CSMD1: variants seen among roughly 807,000 people sequenced by gnomAD.
CSMD1 encodes CUB and Sushi multiple domains 1, also known as CUB and sushi domain-containing protein 1.
In CSMD1, 213 loss-of-function variants were observed where a neutral mutation model predicts 417.5. The ratio of observed to expected loss-of-function variants is 0.51; its 90% CI spans 0.46 to 0.57. CSMD1 has a LOEUF of 0.57. Among genes scored for constraint, CSMD1 ranks in the 20% least tolerant of loss-of-function variants. CSMD1 has a pLI of 0.00. For synonymous variants in CSMD1, 2,862 were observed against 1,736.8 expected, an observed-to-expected ratio of 1.65 and a Z score of -16.11; for missense variants, 6,923 against 4,529.7, an observed-to-expected ratio of 1.53 and a Z score of -15.17.
At chr8:4,178,983 G>A (rs533579017) in intron 3 of CSMD1, among the ~76,000 whole-genome samples, 376 of 152,108 alleles carry the variant, frequency 2.5e-3, no homozygotes, top group African/African-American at 8.6e-3. Flanking sequence ...AATCAATATC[G>A]TGAAAATGGC....
chr8:3,299,547 G>C (rs1452924285), intron 25 of CSMD1, among the ~76,000 whole-genome samples: 1 of 135,432 alleles, frequency 7.4e-6, no homozygotes, highest in African/African-American at 2.7e-5. Context: ...CCAACGCACA[G>C]TGTCCCAAGG....
intron 3 of CSMD1, among the ~76,000 whole-genome samples, chr8:4,124,627 A>C (rs1014509012): frequency 6.6e-5 from 10 of 152,164 alleles, no homozygotes; most frequent in African/African-American, 1.9e-4. Context: ...GCCAGACCTC[A>C]CTGGCAAGGC....
intron 3 of CSMD1, among the ~76,000 whole-genome samples, chr8:4,110,788 T>C (rs1391349392): frequency 6.6e-6 from 1 of 152,138 alleles, no homozygotes; most frequent in East Asian, 1.9e-4. Context: ...AGAGATATTT[T>C]CAAGAATATG....
intron 67 of CSMD1, 63 bp from the exon 68 acceptor site, chr8:2,949,449 C>A: frequency 1.3e-6 from 1 of 777,490 alleles, no homozygotes; most frequent in South Asian, 1.8e-5. Context: ...ATAATATCCT[C>A]TTTTAATATA....
chr8:4,919,534 C>G (rs1030589235), intron 1 of CSMD1, among the ~76,000 whole-genome samples: 1 of 152,104 alleles, frequency 6.6e-6, no homozygotes, highest in Non-Finnish European at 1.5e-5. Context: ...TGCATTAGTT[C>G]CAGATCTTTC....
Position 4,080,282 on chromosome 8 carries a change from C to A in CSMD1, c.416-48183G>T, listed in dbSNP as rs1042110320. 3.4e-4 allele frequency among the ~76,000 whole-genome samples: 51 copies of A among 152,172 alleles called. 1 individual carries two copies. Among genetic ancestry groups the A allele is most frequent in the Non-Finnish European group, 1.2e-4 (8 of 68,040 alleles). The stretch of plus-strand genomic sequence containing the variant: ...CAATGACTCCTACTTGACAAGTGCA[C>A]ACCACGGTTACAGTGTACCTAAGAG... On this transcript the variant is annotated intron_variant, in intron 3 of 69. Transcript: ENST00000635120.
intron 2 of CSMD1, among the ~76,000 whole-genome samples, chr8:4,552,336 T>A (rs936648763): frequency 6.6e-6 from 1 of 151,268 alleles, no homozygotes; most frequent in Non-Finnish European, 1.5e-5. Flanking sequence ...CTCACATTCT[T>A]TTTTTTTTCT....
chr8:3,644,316 G>A (rs1027393335), intron 7 of CSMD1, among the ~76,000 whole-genome samples: 1 of 152,212 alleles, frequency 6.6e-6, no homozygotes, highest in South Asian at 2.1e-4. Flanking sequence ...TTTGCTGAAA[G>A]CATAGGTCTT....
chr8:4,625,396 A>G (rs559917451), intron 2 of CSMD1, among the ~76,000 whole-genome samples: 1 of 152,244 alleles, frequency 6.6e-6, no homozygotes, highest in Admixed American at 6.5e-5. Flanking sequence ...AGAAACATGC[A>G]CTGCATTTTG....
intron 3 of CSMD1, among the ~76,000 whole-genome samples, chr8:4,368,199 T>C (rs1305005145): frequency 6.6e-6 from 1 of 152,204 alleles, no homozygotes; most frequent in Non-Finnish European, 1.5e-5. Flanking sequence ...GTTTTTAACA[T>C]GAATGTGTGC....
chr8:3,587,749 A>T (rs533663491), intron 8 of CSMD1, among the ~76,000 whole-genome samples: 1 of 152,270 alleles, frequency 6.6e-6, no homozygotes, highest in African/African-American at 2.4e-5. Context: ...TCTTAATAAA[A>T]CTTAATATGC....
chr8:4,611,728 T>G (rs1274747276), intron 2 of CSMD1, among the ~76,000 whole-genome samples: 1 of 152,214 alleles, frequency 6.6e-6, no homozygotes, highest in Non-Finnish European at 1.5e-5. Flanking sequence ...TTATTTATAA[T>G]TATATATTCT....
intron 3 of CSMD1, among the ~76,000 whole-genome samples, chr8:4,264,359 G>A (rs771049250): frequency 1.3e-5 from 2 of 152,174 alleles, no homozygotes; most frequent in Non-Finnish European, 2.9e-5. Flanking sequence ...AAGAGCTCCT[G>A]TCTTTCCACT....
At position 4,584,053 on chromosome 8, in the gene CSMD1, G is replaced by C. The variant is rs1185281326; in HGVS notation, c.302+53289C>G. On this transcript the variant is annotated intron_variant, in intron 2 of 69. Coordinates refer to ENST00000635120, the MANE Select transcript of CSMD1 (RefSeq NM_033225.6). ...TAAGAGCTATAACACTCACTACGAA[G>C]GTCTGCAGTTTCACTCCTGAGCCAG... is the stretch of plus-strand genomic sequence containing the variant. Among the ~76,000 whole-genome samples the C allele has an allele frequency of 2.0e-5, 3 of 151,728 alleles. 1 individual carries two copies. Among genetic ancestry groups the C allele is most frequent in the African/African-American group, 7.3e-5 (3 of 41,362 alleles).
intron 5 of CSMD1, among the ~76,000 whole-genome samples, chr8:3,832,057 C>T (rs1052738520): frequency 6.6e-6 from 1 of 152,168 alleles, no homozygotes; most frequent in African/African-American, 2.4e-5. Flanking sequence ...TGTTACCAGC[C>T]CTTCTTAATC....
chr8:3,064,738 A>C (rs918965604), intron 49 of CSMD1, among the ~76,000 whole-genome samples: 2 of 152,204 alleles, frequency 1.3e-5, no homozygotes, highest in African/African-American at 4.8e-5. Flanking sequence ...ATGGTTTTGC[A>C]AGAAATGCTT....
chr8:4,721,220 A>G (rs537837268), intron 1 of CSMD1, among the ~76,000 whole-genome samples: 1 of 152,180 alleles, frequency 6.6e-6, no homozygotes, highest in Non-Finnish European at 1.5e-5. Flanking sequence ...TTACTGAAAC[A>G]TAGGAATTGT....
chr8:4,269,526 C>T (rs187250429), intron 3 of CSMD1, among the ~76,000 whole-genome samples: 3 of 152,074 alleles, frequency 2.0e-5, no homozygotes, highest in Non-Finnish European at 2.9e-5. Flanking sequence ...TAACTAAAAG[C>T]CCTCAATATA....
chr8:3,515,379 G>A (rs891597244), intron 10 of CSMD1: 1 of 152,148 alleles, frequency 6.6e-6, no homozygotes, highest in Admixed American at 6.5e-5. Flanking sequence ...CAAAAACTAA[G>A]GCTCTTTATG....
Sources: gnomAD v4.1 joint callset for allele counts (sites outside exome capture counted in the v4.1 genomes callset) on GRCh38, gnomAD v4.1.1 for gene constraint, MANE v1.5 for transcripts, NCBI Gene and HGNC (gene_info 2026-07-23, HGNC 2026-07-21) for gene names.